The following STAT4 variants were observed in gnomAD, a reference collection of about 807,000 sequenced individuals.
STAT4 encodes signal transducer and activator of transcription 4.
A neutral mutation model predicts 110.5 loss-of-function variants in STAT4; 42 were observed. That is an observed-to-expected ratio of 0.38 (90% CI 0.30 to 0.49). The LOEUF is 0.49. Among genes scored for constraint, STAT4 ranks in the 20% least tolerant of loss-of-function variants. The pLI, the probability that STAT4 is intolerant of heterozygous loss-of-function variation, is 0.95. For missense variants in STAT4, 632 were observed against 887.9 expected (o/e 0.71, Z 3.66); for synonymous variants, 284 against 302.2 (o/e 0.94, Z 0.63).
At chr2:191,109,317 T>C (rs1208496729) in intron 3 of STAT4, among the ~76,000 whole-genome samples, 1 of 152,110 alleles carries the variant, frequency 6.6e-6, no homozygotes, top group Non-Finnish European at 1.5e-5. Flanking sequence ...TGTTTTTTTT[T>C]TAAAGACAAG....
At position 191,111,309 on chromosome 2, in the gene STAT4, C is replaced by T. The variant is rs79333269; in HGVS notation, c.274-34984G>A. Among the ~76,000 whole-genome samples, 67 of 152,170 alleles carry T rather than the reference C, an allele frequency of 4.4e-4. No individual in the cohort carries two copies. The East Asian group carries it at 0.011, about 25-fold the overall frequency. On this transcript the variant is annotated intron_variant, in intron 3 of 23. Transcript: ENST00000392320. The stretch of plus-strand genomic sequence containing the variant: ...ATATAGTTAACATTTTAGGAAGACA[C>T]GCATAACAAGTTTTAAAGTAAATAT...
intron 3 of STAT4, among the ~76,000 whole-genome samples, chr2:191,105,383 G>A (rs1698250761): frequency 6.6e-6 from 1 of 152,164 alleles, no homozygotes; most frequent in Non-Finnish European, 1.5e-5. Context: ...TTCATGAAGG[G>A]ATGACACATA....
chr2:191,148,018 T>C lies in STAT4; in HGVS notation c.128+58A>G. 2.5e-6 allele frequency: 4 copies of C among 1,604,592 alleles called. No individual in the cohort carries two copies. The Admixed American group carries it at 5.2e-5, about 21-fold the overall frequency. ...AAGTGGACCATAAAATAAATTCACA[T>C]GGATAGAGCATCAGACATTTGTGCA... is the stretch of plus-strand genomic sequence containing the variant. On this transcript the variant is annotated intron_variant, in intron 2 of 23. Coordinates refer to ENST00000392320, the MANE Select transcript of STAT4 (RefSeq NM_003151.4).
intron 3 of STAT4, among the ~76,000 whole-genome samples, chr2:191,124,506 T>C (rs1469817000): frequency 6.6e-6 from 1 of 150,838 alleles, no homozygotes; most frequent in Non-Finnish European, 1.5e-5. Context: ...TGCTGGGCTC[T>C]GTGTTAAGCA....
intron 6 of STAT4, chr2:191,068,099 T>C (rs1697044835): frequency 6.6e-6 from 1 of 152,178 alleles, no homozygotes; most frequent in Non-Finnish European, 1.5e-5. Flanking sequence ...CTTGTTTCCC[T>C]TGTATTTTTC....
chr2:191,052,188 G>A (rs1696544803), intron 14 of STAT4, among the ~76,000 whole-genome samples: 1 of 152,116 alleles, frequency 6.6e-6, no homozygotes, highest in Admixed American at 6.6e-5. Flanking sequence ...TAACCTTTGT[G>A]TGATCATCCC....
chr2:191,036,444 A>T, intron 16 of STAT4, 145 bp from the exon 17 acceptor site: 1 of 869,840 alleles, frequency 1.1e-6, no homozygotes, highest in Non-Finnish European at 1.7e-6. Context: ...CAGGCAGTTA[A>T]CTGTTTCTCT....
chr2:191,118,863 A>T (rs1464100906), intron 3 of STAT4, among the ~76,000 whole-genome samples: 1 of 152,132 alleles, frequency 6.6e-6, no homozygotes, highest in South Asian at 2.1e-4. Context: ...GGCTCAGGTG[A>T]TGCTCCCACC....
Position 191,104,631 on chromosome 2 carries a change from C to T in STAT4, c.274-28306G>A, listed in dbSNP as rs1017755589. ...TATATTAAACAAAGGTCCATAACCA[C>T]CATACACATCATCATCATTTTATAA... On this transcript the variant is annotated intron_variant, in intron 3 of 23. Coordinates refer to ENST00000392320, the MANE Select transcript of STAT4 (RefSeq NM_003151.4). This position sits in a 1 kb window ranked among gnomAD's most constrained non-coding sequence, Gnocchi z 4.3. Among the ~76,000 whole-genome samples, 1 of 152,126 alleles carries T rather than the reference C, an allele frequency of 6.6e-6. No homozygotes were observed. Among genetic ancestry groups the T allele is most frequent in the Non-Finnish European group, 1.5e-5 (1 of 68,010 alleles).
In STAT4 at chr2:191,034,295, T is replaced by C. The variant is rs3024890; in HGVS notation, c.1620+253A>G. 8.5e-3 allele frequency among the ~76,000 whole-genome samples: 1,286 copies of C among 151,660 alleles called. 10 individuals are homozygous for C. The highest frequency in any genetic ancestry group is 0.018 in the East Asian group (93 of 5,152). On this transcript the variant is annotated intron_variant, in intron 18 of 23. Coordinates refer to ENST00000392320, the MANE Select transcript of STAT4 (RefSeq NM_003151.4). ...AAAATTAGCCGGGCGTGGTGGTGGG[T>C]GCCTGTAGTCCCAGCTAATCAGGAG...
chr2:191,046,849 C>G lies in STAT4; in HGVS notation c.1252-5701G>C, dbSNP rs1421978391. 1.3e-5 allele frequency among the ~76,000 whole-genome samples: 2 copies of G among 151,988 alleles called. No homozygotes were observed. Among genetic ancestry groups the G allele is most frequent in the Admixed American group, 1.3e-4 (2 of 15,252 alleles). On this transcript the variant is annotated intron_variant, in intron 14 of 23. Transcript: ENST00000392320. This position sits in a 1 kb window ranked among gnomAD's most constrained non-coding sequence, Gnocchi z 4.6. ...GTAATTTCCTTAGTGATAGGATTGT[C>G]TGACACAGAGCTCCTAAATTCCTGG...
chr2:191,128,501 C>G (rs182753164), intron 3 of STAT4, among the ~76,000 whole-genome samples: 2 of 152,304 alleles, frequency 1.3e-5, no homozygotes, highest in Admixed American at 1.3e-4. Flanking sequence ...TTTACCTTGT[C>G]ATTAAAAATC....
chr2:191,049,167 CTTTTTTT>C (rs11410725), intron 14 of STAT4, among the ~76,000 whole-genome samples: 14 of 104,128 alleles, frequency 1.3e-4, no homozygotes, highest in Admixed American at 3.2e-4. Context: ...ATGGTAATAG[CTTTTTTT>C]TTTTTTTTTT....
At chr2:191,065,678 T>G (rs1464116176) in intron 7 of STAT4, among the ~76,000 whole-genome samples, 2 of 152,198 alleles carry the variant, frequency 1.3e-5, no homozygotes, top group Non-Finnish European at 2.9e-5. Context: ...ATTAACTACT[T>G]GCATACTTAA....
rs949622842 is a variant in STAT4, at chr2:191,107,909, C to T, written c.274-31584G>A. On this transcript the variant is annotated intron_variant, in intron 3 of 23. Coordinates refer to ENST00000392320, the MANE Select transcript of STAT4 (RefSeq NM_003151.4). This position sits in a 1 kb window ranked among gnomAD's most constrained non-coding sequence, Gnocchi z 4.2. ...CTACAGAACATTTCTTTCATTGATG[C>T]CCATATTTTACAAAATGGAGTAATT... Among the ~76,000 whole-genome samples, 1 of 152,092 alleles carries T rather than the reference C, an allele frequency of 6.6e-6. No homozygotes were observed. Among genetic ancestry groups the T allele is most frequent in the East Asian group, 1.9e-4 (1 of 5,198 alleles).
rs1574708576 is a variant in STAT4 at position 191,050,014 on chromosome 2, G to T, written c.1251+4476C>A. ...TGAACCTTGAAAGAACATCTGTTTG[G>T]CTATTTTGTTAAATGAAACTCAAGT... On this transcript the variant is annotated intron_variant, in intron 14 of 23. Transcript: ENST00000392320. The surrounding 1 kb of genome is among the most constrained non-coding windows in gnomAD (Gnocchi z 4.3). Among the ~76,000 whole-genome samples the T allele has an allele frequency of 6.6e-6, 1 of 152,206 alleles. No homozygotes were observed. The highest frequency in any genetic ancestry group is 1.9e-4 in the East Asian group (1 of 5,174).
At chr2:191,045,142 A>C (rs1696314461) in intron 14 of STAT4, among the ~76,000 whole-genome samples, 1 of 152,240 alleles carries the variant, frequency 6.6e-6, no homozygotes, top group Non-Finnish European at 1.5e-5. Flanking sequence ...AAATTTAAAA[A>C]AATCAAGAGA....
chr2:191,086,313 C>T lies in STAT4; in HGVS notation c.274-9988G>A, dbSNP rs1697634386. Reference sequence around the variant, plus strand: ...CAGGCCCGGGAACCTCATAGGACCTCAAGAAGAGAGGAATTCACCCAATTC... The same window carrying T: ...CAGGCCCGGGAACCTCATAGGACCTTAAGAAGAGAGGAATTCACCCAATTC... On this transcript the variant is annotated intron_variant, in intron 3 of 23. Coordinates refer to ENST00000392320, the MANE Select transcript of STAT4 (RefSeq NM_003151.4). This position sits in a 1 kb window ranked among gnomAD's most constrained non-coding sequence, Gnocchi z 5.5. Among the ~76,000 whole-genome samples the T allele has an allele frequency of 6.6e-6, 1 of 152,002 alleles. No individual in the cohort carries two copies. The highest frequency in any genetic ancestry group is 1.5e-5 in the Non-Finnish European group (1 of 67,998).
At chr2:191,126,978 C>T (rs1408290498) in intron 3 of STAT4, among the ~76,000 whole-genome samples, 1 of 152,060 alleles carries the variant, frequency 6.6e-6, no homozygotes, top group East Asian at 1.9e-4. Flanking sequence ...CACCACCATG[C>T]CCAGCTAATT....
Sources: gnomAD v4.1 joint callset for allele counts (sites outside exome capture counted in the v4.1 genomes callset) on GRCh38, gnomAD v4.1.1 for gene constraint, Gnocchi (gnomAD v3.1) non-coding constraint, MANE v1.5 for transcripts, NCBI Gene and HGNC (gene_info 2026-07-23, HGNC 2026-07-21) for gene names.